The following TC2N variants were observed in gnomAD, a reference collection of about 807,000 sequenced individuals.
TC2N encodes the protein tandem C2 domains nuclear protein.
In TC2N, 51 loss-of-function variants were observed where a neutral mutation model predicts 61.9. That is an observed-to-expected ratio of 0.82 (90% CI 0.66 to 1.04). The LOEUF (loss-of-function observed/expected upper bound fraction) is 1.04. Among genes scored for constraint, TC2N ranks in the 50% least tolerant of loss-of-function variants. TC2N has a pLI of 0.00. For synonymous variants in TC2N, 204 were observed against 192.6 expected (o/e 1.06, Z -0.49); for missense variants, 556 against 566.7 (o/e 0.98, Z 0.19).
chr14:91,787,204 G>A (rs1885408292), intron 10 of TC2N, among the ~76,000 whole-genome samples: 2 of 152,042 alleles, frequency 1.3e-5, no homozygotes, highest in Non-Finnish European at 2.9e-5. Context: ...CTAGAGAGAG[G>A]ATAAATCATT....
intron 1 of TC2N, chr14:91,836,615 A>AGGGGCGAGGCAAGGCGGGGG (rs1566786056): frequency 7.4e-6 from 1 of 134,332 alleles, no homozygotes. Context: ...CAAGGCGGGG[A>AGGGGCGAGGCAAGGCGGGGG]GGGGCGAGGC....
rs1484878021 is a variant in TC2N, at chr14:91,813,731, A to T, written c.39T>A (p.Cys13Ter). 6.2e-7 allele frequency: 1 copy of T among 1,609,740 alleles called. No individual in the cohort carries two copies. The highest frequency in any genetic ancestry group is 1.1e-5 in the South Asian group (1 of 90,680). ...TGTGTTTTTCTGTTTCACCATAGAA[A>T]CATCCTCCACAGCAACTCTTTATAA... ...TEFIKSCCGG[C>*]FYGETEKHNF... is the part of the protein sequence containing the mutation. The change falls in exon 2 of 12, where the codon TGT (cysteine) becomes TGA (stop). Residue 13 changes from cysteine (C) to a stop codon, truncating the protein, a stop_gained. Coordinates refer to ENST00000435962, the MANE Select transcript of TC2N (RefSeq NM_001128596.3). LOFTEE classifies it high-confidence loss of function.
At chr14:91,818,500 G>A (rs1358487773) in intron 1 of TC2N, among the ~76,000 whole-genome samples, 1 of 151,594 alleles carries the variant, frequency 6.6e-6, no homozygotes, top group Non-Finnish European at 1.5e-5. Flanking sequence ...ACAATGTCTG[G>A]TATTCAATTA....
rs1888072551 is a variant in TC2N at position 91,837,653 on chromosome 14, G to A, written c.-56-23828C>T. 6.6e-6 allele frequency among the ~76,000 whole-genome samples: 1 copy of A among 152,208 alleles called. No homozygotes were observed. The highest frequency in any genetic ancestry group is 1.5e-5 in the Non-Finnish European group (1 of 68,034). ...TCCTAGAGATGCTGCAGTGGGAGTA[G>A]GGGTAGATCACCAGATCACATTAAT... On this transcript the variant is annotated intron_variant, in intron 1 of 11. Coordinates refer to ENST00000435962, the MANE Select transcript of TC2N (RefSeq NM_001128596.3). The surrounding 1 kb of genome is among the most constrained non-coding windows in gnomAD (Gnocchi z 4.2).
At position 91,800,241 on chromosome 14, in the gene TC2N, G is replaced by A. The variant is rs776636394; in HGVS notation, c.561+40C>T. The A allele has an allele frequency of 4.7e-6, 6 of 1,273,334 alleles. No homozygotes were observed. The Admixed American group carries it at 1.0e-4, about 22-fold the overall frequency. 78.9% of individuals were successfully genotyped at this position (1,273,334 alleles called of 1,614,324 possible). A position where few individuals can be genotyped will look rare whatever the true frequency, so the allele number is the denominator to read the frequency against. ...CATTTCTGAATTTTTAATTTGAAAGGAAATTATCACATATAATTAAATTTA... is the reference window on the plus strand; with the variant it reads ...CATTTCTGAATTTTTAATTTGAAAGAAAATTATCACATATAATTAAATTTA... On this transcript the variant is annotated intron_variant, in intron 5 of 11. Coordinates refer to ENST00000435962, the MANE Select transcript of TC2N (RefSeq NM_001128596.3).
intron 1 of TC2N, among the ~76,000 whole-genome samples, chr14:91,828,824 A>C (rs1294276270): frequency 1.3e-5 from 2 of 152,040 alleles, no homozygotes; most frequent in African/African-American, 4.8e-5. Flanking sequence ...ATTTTTAGTA[A>C]GACTACTACA....
rs7142093 is a variant in TC2N at position 91,806,497 on chromosome 14, G to C, written c.302-4076C>G. ...CCAAGGTGGTCTCAGGTAGAGATGA[G>C]GAACTTGTTGGGAACTGCAGTAAAA... On this transcript the variant is annotated intron_variant, in intron 3 of 11. Coordinates refer to ENST00000435962, the MANE Select transcript of TC2N (RefSeq NM_001128596.3). 9.1e-3 allele frequency among the ~76,000 whole-genome samples: 1,386 copies of C among 152,284 alleles called. 32 individuals carry two copies. The highest frequency in any genetic ancestry group is 0.032 in the African/African-American group (1,337 of 41,550).
At chr14:91,814,017 T>A (rs1383717536) in intron 1 of TC2N, among the ~76,000 whole-genome samples, 192 bp from the exon 2 acceptor site, 1 of 151,406 alleles carries the variant, frequency 6.6e-6, no homozygotes, top group Non-Finnish European at 1.5e-5. Context: ...AAATTATGTT[T>A]AAAAATTACT....
At chr14:91,802,539 G>T in intron 3 of TC2N, 118 bp from the exon 4 acceptor site, 1 of 815,286 alleles carries the variant, frequency 1.2e-6, no homozygotes. Context: ...TAAATCACAT[G>T]TCTTTGATAG....
intron 11 of TC2N, among the ~76,000 whole-genome samples, chr14:91,783,441 A>C (rs1419941185): frequency 6.6e-6 from 1 of 152,062 alleles, no homozygotes; most frequent in Non-Finnish European, 1.5e-5. Flanking sequence ...GGTTCAGTTC[A>C]AAAATTCAAG....
At chr14:91,804,231 C>T (rs1170307251) in intron 3 of TC2N, among the ~76,000 whole-genome samples, 1 of 152,180 alleles carries the variant, frequency 6.6e-6, no homozygotes, top group Admixed American at 6.5e-5. Flanking sequence ...CGATCATACT[C>T]TGCTAGTGGA....
At chr14:91,832,855 T>C (rs1412508875) in intron 1 of TC2N, among the ~76,000 whole-genome samples, 1 of 151,780 alleles carries the variant, frequency 6.6e-6, no homozygotes, top group African/African-American at 2.4e-5. Context: ...CGCAGGATAA[T>C]GGATAAAGAA....
At position 91,783,110 on chromosome 14, in the gene TC2N, T is replaced by G; in HGVS notation, c.1463A>C (p.Asn488Thr). ...EKVVIRWHKL[N>T]PS ...TAATGTGTGAAGTCTTCAAGATGGA[T>G]TTAATTTGTGCCACCTGATAACAAC... Residue 488 changes from asparagine to threonine, a missense_variant, in exon 12 of 12, where the codon AAT becomes ACT. By Grantham distance (65) the Asn-to-Thr change is moderately conservative. Transcript: ENST00000435962. The G allele has an allele frequency of 1.2e-6, 2 of 1,601,118 alleles. No homozygotes were observed. The highest frequency in any genetic ancestry group is 1.7e-6 in the Non-Finnish European group (2 of 1,168,970).
chr14:91,790,718 C>T (rs1283887749), intron 9 of TC2N, among the ~76,000 whole-genome samples: 1 of 152,084 alleles, frequency 6.6e-6, no homozygotes, highest in Non-Finnish European at 1.5e-5. Flanking sequence ...TTTGAATAGT[C>T]TATTTGTGCC....
chr14:91,812,525 T>G lies in TC2N; in HGVS notation c.88A>C (p.Lys30Gln), dbSNP rs1566774168. ...KHNFSVERDF[K>Q]AAVPNSQNAT... ...TTTTGACTATTTGGGACTGCTGCTT[T>G]AAAATCTCTTTCCACAGAAACTGCA... The change falls in exon 3 of 12, where the codon AAA (lysine) becomes CAA (glutamine). Residue 30 changes from lysine to glutamine, a missense_variant. Physicochemically the swap from Lys to Gln is moderately conservative, Grantham distance 53. Transcript: ENST00000435962. 6.3e-7 allele frequency: 1 copy of G among 1,580,112 alleles called. No individual in the cohort carries two copies. Among genetic ancestry groups the G allele is most frequent in the East Asian group, 2.2e-5 (1 of 44,594 alleles).
chr14:91,834,442 A>G (rs771413241), intron 1 of TC2N, among the ~76,000 whole-genome samples: 7 of 152,166 alleles, frequency 4.6e-5, no homozygotes, highest in Non-Finnish European at 7.3e-5. Context: ...AAGGTAGTCT[A>G]TCATCCTTAT....
At chr14:91,863,866 G>A (rs573192808) in intron 1 of TC2N, among the ~76,000 whole-genome samples, 26 of 149,566 alleles carry the variant, frequency 1.7e-4, no homozygotes, top group East Asian at 2.0e-4. Context: ...ATGTTGGCAC[G>A]TAGCTGTAGT....
intron 8 of TC2N, among the ~76,000 whole-genome samples, chr14:91,796,932 T>C (rs1027137451): frequency 1.3e-5 from 2 of 149,620 alleles, no homozygotes; most frequent in Admixed American, 1.4e-4. Context: ...GTTTTTTCAA[T>C]TTTTCTTCAA....
chr14:91,787,552 C>G lies in TC2N; in HGVS notation c.1123G>C (p.Ala375Pro). 6.2e-7 allele frequency: 1 copy of G among 1,612,628 alleles called. No individual in the cohort carries two copies. The highest frequency in any genetic ancestry group is 8.5e-7 in the Non-Finnish European group (1 of 1,179,410). ...NSRIQLQILE[A>P]RYLPSSSTPL... is the part of the protein sequence containing the mutation. ...GTTGATGAGCTTGGAAGGTACCGTG[C>G]CTCAAGAATTTGTAACTGAATTCTG... is the stretch of plus-strand genomic sequence containing the variant. The change falls in exon 10 of 12, where the codon GCA becomes CCA. Residue 375 changes from alanine (A) to proline (P), a missense_variant. Transcript: ENST00000435962.
Sources: allele counts gnomAD v4.1 joint callset (sites outside exome capture counted in the v4.1 genomes callset), GRCh38; gene constraint gnomAD v4.1.1; non-coding constraint Gnocchi (gnomAD v3.1); transcripts MANE v1.5; gene names NCBI Gene and HGNC (gene_info 2026-07-23, HGNC 2026-07-21).